Variants in MCF2L observed in about 807,000 individuals in gnomAD.
MCF2L encodes the protein guanine nucleotide exchange factor DBS.
A neutral mutation model predicts 153.4 loss-of-function variants in MCF2L; 97 were observed. The observed-to-expected ratio is 0.63, with a 90% CI of 0.54 to 0.75. The LOEUF (loss-of-function observed/expected upper bound fraction) is 0.75. MCF2L is among the 30% of genes least tolerant of loss of function. MCF2L has a pLI of 0.00. For missense variants in MCF2L, 1,347 were observed against 1,495.2 expected (o/e 0.90, Z 1.64); for synonymous variants, 659 against 632.2 (o/e 1.04, Z -0.64).
intron 2 of MCF2L, among the ~76,000 whole-genome samples, chr13:112,918,332 G>C (rs2081316549): frequency 6.6e-6 from 1 of 152,204 alleles, no homozygotes; most frequent in Non-Finnish European, 1.5e-5. Context: ...ACGTCATTTT[G>C]GGAAGCCAGC....
rs1352445077 is a variant in MCF2L, at chr13:112,955,367, C to T, written c.169+52996C>T. On this transcript the variant is annotated intron_variant, in intron 2 of 29. Transcript: ENST00000375608. The stretch of plus-strand genomic sequence containing the variant: ...CAAACGGAGACATGGGAGCCGCACC[C>T]GATGGGTCTGATTGGGTGTGGCTAT... Among the ~76,000 whole-genome samples the T allele has an allele frequency of 3.3e-5, 5 of 152,188 alleles. No homozygotes were observed. The South Asian group carries it at 6.2e-4, about 19-fold the overall frequency.
rs1319488066 is a variant in MCF2L, at chr13:112,951,198, A to C, written c.169+48827A>C. 6.6e-6 allele frequency among the ~76,000 whole-genome samples: 1 copy of C among 152,218 alleles called. No homozygotes were observed. Among genetic ancestry groups the C allele is most frequent in the African/African-American group, 2.4e-5 (1 of 41,450 alleles). On this transcript the variant is annotated intron_variant, in intron 2 of 29. Coordinates refer to the MCF2L transcript ENST00000375608. The surrounding 1 kb of genome is among the most constrained non-coding windows in gnomAD (Gnocchi z 4.8). ...GAGAGCTAAGATAAAAGATAGTGCC[A>C]ACTTCGAATGCTGGCAGGGATGTGG... is the stretch of plus-strand genomic sequence containing the variant.
In MCF2L at chr13:113,085,154, C is replaced by A; in HGVS notation, c.2223C>A (p.Ile741=). The change falls in exon 20 of 30, where the codon ATC becomes ATA. Residue 741 remains isoleucine (I), a synonymous_variant. Coordinates refer to ENST00000535094, the MANE Select transcript of MCF2L (RefSeq NM_001112732.3). ...ACCTGCTGAAGCCAGTGCAGAGGAT[C>A]ACCAAGTACCAGCTGCTGCTCAAGG... is the stretch of plus-strand genomic sequence containing the variant. ...DSYLLKPVQR[I]TKYQLLLKEM... is the part of the protein sequence containing the mutation. The A allele has an allele frequency of 6.2e-7, 1 of 1,613,528 alleles. No individual in the cohort carries two copies. Among genetic ancestry groups the A allele is most frequent in the Non-Finnish European group, 8.5e-7 (1 of 1,179,998 alleles).
At chr13:113,077,528 G>A (rs1206537813) in intron 13 of MCF2L, among the ~76,000 whole-genome samples, 1 of 152,186 alleles carries the variant, frequency 6.6e-6, no homozygotes, top group Non-Finnish European at 1.5e-5. Context: ...GCCCAAAACT[G>A]GAAACACAGA....
chr13:112,968,680 C>T (rs1194365069), upstream of MCF2L: 4 of 1,480,168 alleles, frequency 2.7e-6, 1 homozygote, highest in Admixed American at 6.7e-5. Context: ...GCTGCGGCCT[C>T]TGCAGCTTCT....
chr13:112,916,757 G>A (rs545626330), intron 2 of MCF2L, among the ~76,000 whole-genome samples: 9 of 152,170 alleles, frequency 5.9e-5, no homozygotes, highest in African/African-American at 1.7e-4. Context: ...GCCACTCCCC[G>A]AACAACCAGC....
rs2034840897 is a variant in MCF2L, at chr13:113,088,346, A to G, written c.2708A>G (p.Lys903Arg). Residue 903 changes from lysine (K) to arginine (R), a missense_variant, in exon 24 of 30, where the codon AAA (lysine) becomes AGA (arginine). Lys to Arg is a conservative substitution (Grantham distance 26, BLOSUM62 2). This residue lies in a region of MCF2L where 383 missense variants were observed against 335.4 expected (regional missense o/e 1.14). Coordinates refer to ENST00000535094, the MANE Select transcript of MCF2L (RefSeq NM_001112732.3). ...AAACAGGCGCCAACTCCTGAGATTAAAGCCGCGTGGGTGAATGAAATTCGG... is the reference window on the plus strand; with the variant it reads ...AAACAGGCGCCAACTCCTGAGATTAGAGCCGCGTGGGTGAATGAAATTCGG... ...YIVQAPTPEI[K>R]AAWVNEIRKV... 5.6e-6 allele frequency: 9 copies of G among 1,614,034 alleles called. No homozygotes were observed. The highest frequency in any genetic ancestry group is 6.8e-6 in the Non-Finnish European group (8 of 1,180,032).
Position 113,014,905 on chromosome 13 carries a change from C to A in MCF2L, c.163+59C>A. ...GAGGGGTCTGGGGCCGGGTGTGGGC[C>A]GAGCAGCCCCCGTGGCCTGGCCCAG... On this transcript the variant is annotated intron_variant, in intron 2 of 29. Transcript: ENST00000535094. 5.3e-6 allele frequency: 8 copies of A among 1,522,484 alleles called. No individual in the cohort carries two copies. The South Asian group carries it at 9.0e-5, about 17-fold the overall frequency. 94.3% of individuals were successfully genotyped at this position (1,522,484 alleles called of 1,614,324 possible).
chr13:113,018,724 G>A (rs1276460600), intron 2 of MCF2L, among the ~76,000 whole-genome samples: 2 of 152,236 alleles, frequency 1.3e-5, no homozygotes, highest in Admixed American at 1.3e-4. Flanking sequence ...ATGATCTGAA[G>A]TGAAAAACGC....
At chr13:112,957,879 T>A (rs529987442) in intron 2 of MCF2L, 3 of 152,176 alleles carry the variant, frequency 2.0e-5, no homozygotes, top group South Asian at 4.1e-4. Context: ...GTGAATTTAA[T>A]TTTATCACTT....
At chr13:113,012,838 G>A (rs1333572756) in intron 1 of MCF2L, among the ~76,000 whole-genome samples, 1 of 79,920 alleles carries the variant, frequency 1.3e-5, no homozygotes, top group Non-Finnish European at 2.6e-5. Flanking sequence ...ACTGTGATGC[G>A]GACGGTGGAC....
At chr13:113,082,353 G>T in intron 16 of MCF2L, 74 bp from the exon 17 acceptor site, 1 of 850,396 alleles carries the variant, frequency 1.2e-6, no homozygotes, top group Non-Finnish European at 2.0e-6. Context: ...CAGATGAGCC[G>T]GCATCCCTGG....
intron 2 of MCF2L, among the ~76,000 whole-genome samples, chr13:112,963,389 C>T (rs1277852191): frequency 1.3e-5 from 2 of 152,204 alleles, no homozygotes; most frequent in Non-Finnish European, 2.9e-5. Context: ...GTCACTGAGC[C>T]TCCGCAGCTC....
chr13:113,045,311 C>T lies in MCF2L; in HGVS notation c.319C>T (p.Arg107Trp), dbSNP rs1368238188. The change falls in exon 4 of 30, where the codon CGG (arginine) becomes TGG (tryptophan). Residue 107 changes from arginine (R) to tryptophan (W), a missense_variant. Arg to Trp is a moderately radical substitution (Grantham distance 101, BLOSUM62 -3). Around this residue, in one of 3 missense-constraint regions of MCF2L, gnomAD observed 820 missense variants for 921.2 expected, o/e 0.89. Transcript: ENST00000535094. This position sits in a 1 kb window ranked among gnomAD's most constrained non-coding sequence, Gnocchi z 4.2. ...CATCGGATTCATCCTGGTGATAGAC[C>T]GGCGACGGGACAAATGGACCTCCGT... ...AGIGFILVIDRRRDKWTSVKA... is the reference protein window; with the variant it reads ...AGIGFILVIDWRRDKWTSVKA... 6 of 1,614,080 alleles carry T rather than the reference C, an allele frequency of 3.7e-6. No homozygotes were observed. Among genetic ancestry groups the T allele is most frequent in the South Asian group, 1.1e-5 (1 of 91,092 alleles).
Position 113,094,623 on chromosome 13 carries a change from C to T in MCF2L, c.3063C>T (p.Gly1021=). 1 of 1,610,286 alleles carries T rather than the reference C, an allele frequency of 6.2e-7. No homozygotes were observed. Among genetic ancestry groups the T allele is most frequent in the Non-Finnish European group, 8.5e-7 (1 of 1,178,878 alleles). Residue 1021 remains glycine, a synonymous_variant, in exon 27 of 30, where the codon GGC becomes GGT. Transcript: ENST00000535094. ...SSDAEEDGGL[G]PKKLVPGKYT... ...ACGCAGAGGAGGACGGCGGGTTGGGCCCCAAGAAGCTGGTAACCACGGCTT... is the reference window on the plus strand; with the variant it reads ...ACGCAGAGGAGGACGGCGGGTTGGGTCCCAAGAAGCTGGTAACCACGGCTT...
intron 1 of MCF2L, among the ~76,000 whole-genome samples, chr13:112,992,470 G>A (rs184950180): frequency 1.2e-4 from 18 of 152,354 alleles, no homozygotes; most frequent in Non-Finnish European, 1.0e-4. Context: ...GCTCCTGTGG[G>A]GAGAGCCACC....
chr13:113,028,859 G>A lies in MCF2L; in HGVS notation c.278+4101G>A, dbSNP rs996575676. 4.6e-5 allele frequency among the ~76,000 whole-genome samples: 7 copies of A among 151,230 alleles called. No individual in the cohort carries two copies. The highest frequency in any genetic ancestry group is 9.7e-5 in the African/African-American group (4 of 41,096). On this transcript the variant is annotated intron_variant, in intron 3 of 29. Transcript: ENST00000535094. This position sits in a 1 kb window ranked among gnomAD's most constrained non-coding sequence, Gnocchi z 5.4. ...GGGGTGAGTGTGTGGTGTGTGTGGC[G>A]TGTGCGGGGTGTGTGTGGGGTATGT...
In MCF2L at chr13:112,925,523, A is replaced by G. The variant is rs2081392862; in HGVS notation, c.169+23152A>G. On this transcript the variant is annotated intron_variant, in intron 2 of 29. Coordinates refer to the MCF2L transcript ENST00000375608. ...GTTAAATAAAGGGCATCATATTCAT[A>G]CCCCACAAAGCTACACGAGAAGAAA... Among the ~76,000 whole-genome samples, 4 of 152,176 alleles carry G rather than the reference A, an allele frequency of 2.6e-5. No individual in the cohort carries two copies. The South Asian group carries it at 8.3e-4, about 31-fold the overall frequency.
At chr13:112,901,680 C>T (rs993360775) in intron 1 of MCF2L, among the ~76,000 whole-genome samples, 5 of 152,196 alleles carry the variant, frequency 3.3e-5, no homozygotes, top group Non-Finnish European at 5.9e-5. Context: ...CCAAAAACTT[C>T]GTGTAAGTTT....
Sources: allele counts gnomAD v4.1 joint callset (sites outside exome capture counted in the v4.1 genomes callset), GRCh38; gene constraint gnomAD v4.1.1; regional missense constraint gnomAD v4.1.1; non-coding constraint Gnocchi (gnomAD v3.1); transcripts MANE v1.5; gene names NCBI Gene and HGNC (gene_info 2026-07-23, HGNC 2026-07-21).